SH3TC1: variants seen among roughly 807,000 people sequenced by gnomAD.
SH3TC1 encodes the protein SH3 domain and tetratricopeptide repeats 1.
A neutral mutation model predicts 117.3 loss-of-function variants in SH3TC1; 135 were observed. The observed-to-expected ratio is 1.15, with a 90% confidence interval of 1.00 to 1.33. The LOEUF (loss-of-function observed/expected upper bound fraction) is 1.33. Ranked by LOEUF, SH3TC1 falls within the 40% of genes most tolerant of loss-of-function variation. The pLI is 0.00. For synonymous variants in SH3TC1, 898 were observed against 816.9 expected, an observed-to-expected ratio of 1.10 and a Z score of -1.69; for missense variants, 2,092 against 1,794.3, an observed-to-expected ratio of 1.17 and a Z score of -3.00.
At chr4:8,213,673 G>A (rs1027865484) in intron 4 of SH3TC1, among the ~76,000 whole-genome samples, 1 of 152,110 alleles carries the variant, frequency 6.6e-6, no homozygotes, top group African/African-American at 2.4e-5. Context: ...CGACGAAGAA[G>A]GATCACTTGA....
intron 10 of SH3TC1, chr4:8,224,928 G>A: frequency 2.0e-6 from 1 of 503,742 alleles, no homozygotes; most frequent in Non-Finnish European, 3.5e-6. Flanking sequence ...CCCATTGGCT[G>A]GTGCCTCTCC....
In SH3TC1 at chr4:8,237,516, C is replaced by T. The variant is rs1164015968; in HGVS notation, c.3599C>T (p.Ala1200Val). The T allele has an allele frequency of 6.2e-7, 1 of 1,605,214 alleles. No homozygotes were observed. The highest frequency in any genetic ancestry group is 8.5e-7 in the Non-Finnish European group (1 of 1,176,366). The stretch of plus-strand genomic sequence containing the variant: ...CGCGTGGCCTACCACCGGCTGGCCG[C>T]CCTGCAACACCGACTGGGCCATGGC... Reference protein sequence around the residue: ...NERVAYHRLAALQHRLGHGEL... With the variant: ...NERVAYHRLAVLQHRLGHGEL... The change falls in exon 17 of 18, where the codon GCC (alanine) becomes GTC (valine). Residue 1200 changes from alanine to valine, a missense_variant. Transcript: ENST00000245105.
Position 8,183,011 on chromosome 4 carries a change from C to T in SH3TC1, c.-57+801C>T, listed in dbSNP as rs1228373427. Among the ~76,000 whole-genome samples, 3 of 152,112 alleles carry T rather than the reference C, an allele frequency of 2.0e-5. No individual in the cohort carries two copies. Among genetic ancestry groups the T allele is most frequent in the African/African-American group, 7.2e-5 (3 of 41,428 alleles). ...AGGCTGTTGGGGCAGTGGGGAGGCG[C>T]AGGGGCCTGACCCAGAGGAGGGCAG... On this transcript the variant is annotated intron_variant, in intron 1 of 16. Coordinates refer to the SH3TC1 transcript ENST00000508641. This position sits in a 1 kb window ranked among gnomAD's most constrained non-coding sequence, Gnocchi z 5.4.
intron 17 of SH3TC1, among the ~76,000 whole-genome samples, chr4:8,239,374 C>A (rs1468232990): frequency 1.3e-5 from 2 of 149,566 alleles, no homozygotes; most frequent in Non-Finnish European, 2.9e-5. Flanking sequence ...GGCACACGCA[C>A]ACACAGGCAC....
intron 9 of SH3TC1, among the ~76,000 whole-genome samples, chr4:8,222,052 C>T (rs1275642942): frequency 6.6e-6 from 1 of 152,160 alleles, no homozygotes; most frequent in Non-Finnish European, 1.5e-5. Context: ...CTCCCTCTCT[C>T]TCTGTTTCTT....
At position 8,233,463 on chromosome 4, in the gene SH3TC1, A is replaced by G. The variant is rs1353768692; in HGVS notation, c.3232A>G (p.Lys1078Glu). The G allele has an allele frequency of 1.9e-6, 3 of 1,613,796 alleles. No individual in the cohort carries two copies. The highest frequency in any genetic ancestry group is 2.5e-6 in the Non-Finnish European group (3 of 1,179,912). Reference protein sequence around the residue: ...KEAHAWLQAGKIYYILRQSEL... With the variant: ...KEAHAWLQAGEIYYILRQSEL... The stretch of plus-strand genomic sequence containing the variant: ...GGCGCATGCCTGGCTGCAAGCAGGG[A>G]AGATCTATTACATCTTGCGGCAGAG... The change falls in exon 14 of 18, where the codon AAG becomes GAG. Residue 1078 changes from lysine to glutamate, a missense_variant. Lys to Glu is a moderately conservative substitution (Grantham distance 56). Coordinates refer to ENST00000245105, the MANE Select transcript of SH3TC1 (RefSeq NM_018986.5).
At chr4:8,216,386 A>C in intron 6 of SH3TC1, 129 bp downstream of exon 6, 1 of 1,375,978 alleles carries the variant, frequency 7.3e-7, no homozygotes, top group Non-Finnish European at 9.8e-7. Context: ...CTGGAGGCTG[A>C]GGGGTGCTTC....
chr4:8,217,002 C>T lies in SH3TC1; in HGVS notation c.674C>T (p.Thr225Met), dbSNP rs766716993. ...LCPDHHVRVM[T>M]GPRDAGNGPQ... ...CCTGACCACCATGTGAGAGTGATGA[C>T]GGGTCCCCGGGATGCAGGAAATGGC... Residue 225 changes from threonine to methionine, a missense_variant, in exon 7 of 18, where the codon ACG (threonine) becomes ATG (methionine). Coordinates refer to ENST00000245105, the MANE Select transcript of SH3TC1 (RefSeq NM_018986.5). 6.8e-6 allele frequency: 11 copies of T among 1,613,676 alleles called. No individual in the cohort carries two copies. Among genetic ancestry groups the T allele is most frequent in the East Asian group, 2.2e-5 (1 of 44,892 alleles).
At position 8,228,536 on chromosome 4, in the gene SH3TC1, G is replaced by A. The variant is rs771361930; in HGVS notation, c.2842G>A (p.Val948Met). 15 of 1,610,858 alleles carry A rather than the reference G, an allele frequency of 9.3e-6. No individual in the cohort carries two copies. Among genetic ancestry groups the A allele is most frequent in the Admixed American group, 3.3e-5 (2 of 59,884 alleles). The change falls in exon 12 of 18, where the codon GTG becomes ATG. Residue 948 changes from valine to methionine, a missense_variant. Coordinates refer to ENST00000245105, the MANE Select transcript of SH3TC1 (RefSeq NM_018986.5). ...GGAGTGTGGCCGGGACTTCACCCAC[G>A]TGCTCCTGCAGCTGGGCCATCTCTG... ...LGECGRDFTHVLLQLGHLCTR... is the reference protein window; with the variant it reads ...LGECGRDFTHMLLQLGHLCTR...
intron 14 of SH3TC1, 82 bp from the exon 15 acceptor site, chr4:8,235,351 G>A: frequency 1.4e-6 from 2 of 1,396,292 alleles, no homozygotes; most frequent in Non-Finnish European, 9.4e-7. Context: ...AGAGGAAGGA[G>A]GCTGGGCGGG....
rs1274338858 is a variant in SH3TC1, at chr4:8,186,267, C to G, written c.-57+4057C>G. Among the ~76,000 whole-genome samples the G allele has an allele frequency of 6.6e-6, 1 of 152,120 alleles. No homozygotes were observed. The highest frequency in any genetic ancestry group is 2.4e-5 in the African/African-American group (1 of 41,428). ...TGGGAGTGAGGAACATCAGACAAAC[C>G]CCAGTGCAAGCACAATCACAAAGAT... On this transcript the variant is annotated intron_variant, in intron 1 of 16. Transcript: ENST00000508641. This position sits in a 1 kb window ranked among gnomAD's most constrained non-coding sequence, Gnocchi z 5.2.
chr4:8,220,384 C>T (rs1426158562), intron 9 of SH3TC1, among the ~76,000 whole-genome samples: 6 of 137,840 alleles, frequency 4.4e-5, no homozygotes, highest in Non-Finnish European at 5.1e-5. Context: ...CCCGTGGCTC[C>T]TCTGGGGGGG....
At chr4:8,207,289 G>A (rs892694286) in intron 2 of SH3TC1, among the ~76,000 whole-genome samples, 2 of 152,212 alleles carry the variant, frequency 1.3e-5, no homozygotes, top group African/African-American at 4.8e-5. Flanking sequence ...TGTTTCTTCA[G>A]TGCAGACGAT....
chr4:8,237,672 T>C lies in SH3TC1; in HGVS notation c.3753+2T>C. ...GACATCATCTTCTACGACCTGAAGG[T>C]GGGTGGGGAGGGGCTGGGCTCAGGG... On this transcript the variant is annotated splice_donor_variant, in intron 17 of 17. Coordinates refer to ENST00000245105, the MANE Select transcript of SH3TC1 (RefSeq NM_018986.5). LOFTEE classifies it high-confidence loss of function. The C allele has an allele frequency of 7.0e-7, 1 of 1,419,044 alleles. No individual in the cohort carries two copies. The highest frequency in any genetic ancestry group is 1.2e-5 in the South Asian group (1 of 85,322). 87.9% of individuals were successfully genotyped at this position (1,419,044 alleles called of 1,614,324 possible).
At chr4:8,232,282 C>A in intron 13 of SH3TC1, 126 bp downstream of exon 13, 1 of 1,446,670 alleles carries the variant, frequency 6.9e-7, no homozygotes, top group Non-Finnish European at 9.3e-7. Flanking sequence ...GGTTCCTTGG[C>A]ATCGGATGCT....
intron 9 of SH3TC1, among the ~76,000 whole-genome samples, chr4:8,222,079 C>T (rs1251975585): frequency 6.6e-6 from 1 of 152,074 alleles, no homozygotes; most frequent in Non-Finnish European, 1.5e-5. Context: ...GTTCTTCTCC[C>T]TGACTTTATG....
At chr4:8,201,207 C>A (rs193298539) in intron 1 of SH3TC1, among the ~76,000 whole-genome samples, 1 of 152,332 alleles carries the variant, frequency 6.6e-6, no homozygotes, top group East Asian at 1.9e-4. Flanking sequence ...CCTCTCCCTT[C>A]TTCTTCCAAC....
rs755753674 is a variant in SH3TC1, at chr4:8,217,139, G to GC, written c.815dup (p.Glu273GlyfsTer12). 3 of 1,611,344 alleles carry GC rather than the reference G, an allele frequency of 1.9e-6. No homozygotes were observed. The Admixed American group carries it at 5.0e-5, about 27-fold the overall frequency. ...CTCCGAGGAGGTGGCAGTGGCGGCC[G>GC]CCCCGGAGCCTTTGATTCCATTTCA... is the stretch of plus-strand genomic sequence containing the variant. On this transcript the variant is annotated frameshift_variant, in exon 7 of 18. Coordinates refer to ENST00000245105, the MANE Select transcript of SH3TC1 (RefSeq NM_018986.5). LOFTEE classifies it high-confidence loss of function.
intron 17 of SH3TC1, among the ~76,000 whole-genome samples, chr4:8,238,305 T>C (rs1050586159): frequency 1.3e-5 from 2 of 152,208 alleles, no homozygotes; most frequent in Non-Finnish European, 2.9e-5. Flanking sequence ...GAGGCCTTGC[T>C]GGTCGGGTCT....
Sources: allele counts gnomAD v4.1 joint callset (sites outside exome capture counted in the v4.1 genomes callset), GRCh38; gene constraint gnomAD v4.1.1; non-coding constraint Gnocchi (gnomAD v3.1); transcripts MANE v1.5; gene names NCBI Gene and HGNC (gene_info 2026-07-23, HGNC 2026-07-21).